Variants in ROBO2 observed in about 807,000 individuals in gnomAD.
ROBO2 encodes roundabout guidance receptor 2.
A neutral mutation model predicts 160.8 loss-of-function variants in ROBO2; 53 were observed. The observed-to-expected ratio is 0.33, with a 90% CI of 0.26 to 0.41. The LOEUF (loss-of-function observed/expected upper bound fraction) is 0.41. Ranked by LOEUF, ROBO2 falls within the 10% of genes least tolerant of loss-of-function variation. The pLI is 1.00. For missense variants in ROBO2, 1,577 were observed against 1,722.4 expected (o/e 0.92, Z 1.49); for synonymous variants, 664 against 611.7 (o/e 1.09, Z -1.26).
chr3:76,990,088 T>TG (rs34769911), intron 2 of ROBO2, among the ~76,000 whole-genome samples: 81,193 of 151,832 alleles, frequency 0.53, 22,676 homozygotes, highest in East Asian at 0.81. Context: ...AAATTATTTT[T>TG]CTACTCTCTT....
chr3:76,454,425 T>G (rs747709147), intron 2 of ROBO2, among the ~76,000 whole-genome samples: 5 of 152,134 alleles, frequency 3.3e-5, no homozygotes, highest in Non-Finnish European at 5.9e-5. Flanking sequence ...TGAAAACATG[T>G]AGGAAATCCA....
At chr3:76,060,180 A>G (rs919946811) in intron 2 of ROBO2, among the ~76,000 whole-genome samples, 1 of 152,110 alleles carries the variant, frequency 6.6e-6, no homozygotes, top group Admixed American at 6.6e-5. Context: ...AATCATTTCC[A>G]TGCTCTTATA....
intron 2 of ROBO2, among the ~76,000 whole-genome samples, chr3:76,676,735 C>A (rs1235987994): frequency 1.3e-5 from 2 of 152,114 alleles, no homozygotes; most frequent in African/African-American, 2.4e-5. Context: ...TGGAAACATG[C>A]ATATACTCTG....
chr3:76,513,948 T>C (rs1031926181), intron 2 of ROBO2, among the ~76,000 whole-genome samples: 8 of 152,188 alleles, frequency 5.3e-5, no homozygotes, highest in African/African-American at 1.4e-4. Context: ...TTAACAATCA[T>C]TTTTTAATGT....
At chr3:76,037,467 G>A (rs566444348) in intron 2 of ROBO2, among the ~76,000 whole-genome samples, 4 of 151,626 alleles carry the variant, frequency 2.6e-5, no homozygotes, top group South Asian at 4.2e-4. Flanking sequence ...TTGTTGGCTG[G>A]GCTGGTCTCG....
intron 2 of ROBO2, among the ~76,000 whole-genome samples, chr3:76,710,839 A>T (rs1481503236): frequency 6.6e-6 from 1 of 152,214 alleles, no homozygotes; most frequent in African/African-American, 2.4e-5. Context: ...AGCTGAACCC[A>T]TCCTCAGACA....
intron 2 of ROBO2, among the ~76,000 whole-genome samples, chr3:76,622,245 A>ACATAGCCAG (rs2089211639): frequency 2.3e-5 from 1 of 44,166 alleles, no homozygotes; most frequent in Non-Finnish European, 4.4e-5. Flanking sequence ...GAAGAAAGAA[A>ACATAGCCAG]GAAAGAAAGA....
At chr3:77,581,434 T>G (rs1205348296) in intron 16 of ROBO2, among the ~76,000 whole-genome samples, 1 of 152,140 alleles carries the variant, frequency 6.6e-6, no homozygotes, top group East Asian at 1.9e-4. Context: ...TTTTAGCTTT[T>G]ATGCGGAGGT....
In ROBO2 at chr3:76,546,542, A is replaced by C. The variant is rs559583676; in HGVS notation, c.110-551472A>C. Among the ~76,000 whole-genome samples the C allele has an allele frequency of 2.0e-5, 3 of 152,046 alleles. No individual in the cohort carries two copies. The South Asian group carries it at 6.2e-4, about 32-fold the overall frequency. ...GTGATTCTGATGTGATCCTTAGGGA[A>C]GAAGAGGAAGAAGGGAGCCAGAGAA... On this transcript the variant is annotated intron_variant, in intron 2 of 26. Coordinates refer to the ROBO2 transcript ENST00000487694.
At chr3:76,658,922 C>T (rs1325719542) in intron 2 of ROBO2, among the ~76,000 whole-genome samples, 1 of 151,986 alleles carries the variant, frequency 6.6e-6, no homozygotes, top group African/African-American at 2.4e-5. Flanking sequence ...TTTAAGTTAT[C>T]CTTTATTAGT....
chr3:76,811,855 T>TTCCTTCCTTCC, intron 2 of ROBO2, among the ~76,000 whole-genome samples: 1 of 138,668 alleles, frequency 7.2e-6, no homozygotes, highest in African/African-American at 2.8e-5. Context: ...CCTTCCTTCC[T>TTCCTTCCTTCC]TCCTTCCTTC....
intron 2 of ROBO2, among the ~76,000 whole-genome samples, chr3:76,988,048 A>C (rs1282855764): frequency 6.6e-6 from 1 of 152,196 alleles, no homozygotes; most frequent in Non-Finnish European, 1.5e-5. Flanking sequence ...TTATTTGGTA[A>C]TTAAAAGGTA....
chr3:77,410,774 C>G (rs951995207), intron 2 of ROBO2, among the ~76,000 whole-genome samples: 6 of 146,482 alleles, frequency 4.1e-5, no homozygotes, highest in Non-Finnish European at 9.0e-5. Flanking sequence ...CCTCCTCTTC[C>G]TCTTCCTCCT....
chr3:76,025,487 C>T (rs1329443579), intron 2 of ROBO2, among the ~76,000 whole-genome samples: 3 of 151,756 alleles, frequency 2.0e-5, no homozygotes, highest in Non-Finnish European at 4.4e-5. Context: ...CACTATAGAT[C>T]ATCCAAGAGC....
At chr3:76,213,851 C>A (rs1703314204) in intron 2 of ROBO2, among the ~76,000 whole-genome samples, 1 of 152,058 alleles carries the variant, frequency 6.6e-6, no homozygotes, top group Non-Finnish European at 1.5e-5. Context: ...ATGTTGGACC[C>A]TATGCCACCT....
At chr3:76,737,124 C>A (rs1262117726) in intron 2 of ROBO2, among the ~76,000 whole-genome samples, 2 of 152,182 alleles carry the variant, frequency 1.3e-5, no homozygotes. Flanking sequence ...ATAACCATAG[C>A]TTCCAGATTG....
In ROBO2 at chr3:76,239,593, A is replaced by T. The variant is rs534506361; in HGVS notation, c.109+301991A>T. Among the ~76,000 whole-genome samples the T allele has an allele frequency of 4.6e-5, 7 of 152,260 alleles. No individual in the cohort carries two copies. The East Asian group carries it at 1.2e-3, about 25-fold the overall frequency. ...GCACATGTGTGTTTTATAGCACATG[A>T]TCTGTGATTTCATTTGAGTACTAAT... On this transcript the variant is annotated intron_variant, in intron 2 of 26. Coordinates refer to the ROBO2 transcript ENST00000487694.
At chr3:77,578,476 A>G (rs113815846) in intron 15 of ROBO2, among the ~76,000 whole-genome samples, 42 of 152,244 alleles carry the variant, frequency 2.8e-4, no homozygotes, top group African/African-American at 9.6e-4. Flanking sequence ...TACAAAATTC[A>G]GAGTTGGTAT....
At chr3:77,144,983 A>T (rs2077006876) in intron 2 of ROBO2, among the ~76,000 whole-genome samples, 1 of 152,144 alleles carries the variant, frequency 6.6e-6, no homozygotes, top group Non-Finnish European at 1.5e-5. Flanking sequence ...ATATATTATG[A>T]TAGGAAGTAG....
Sources: allele counts gnomAD v4.1 joint callset (sites outside exome capture counted in the v4.1 genomes callset), GRCh38; gene constraint gnomAD v4.1.1; transcripts MANE v1.5; gene names NCBI Gene and HGNC (gene_info 2026-07-23, HGNC 2026-07-21).